The following CWC22 variants were observed in gnomAD, a reference collection of about 807,000 sequenced individuals.
CWC22 encodes the protein pre-mRNA-splicing factor CWC22 homolog.
In CWC22, 53 loss-of-function variants were observed where a neutral mutation model predicts 117.2. The observed-to-expected ratio is 0.45, with a 90% CI of 0.36 to 0.57. CWC22 has a LOEUF of 0.57. Ranked by LOEUF, CWC22 falls within the 20% of genes least tolerant of loss-of-function variation. The probability of loss-of-function intolerance (pLI) is 0.00; values close to 1 mark genes in which losing one functional copy is unlikely to be tolerated. For missense variants in CWC22, 980 were observed against 1,068.8 expected, an observed-to-expected ratio of 0.92 and a Z score of 1.16; for synonymous variants, 360 against 355.6, an observed-to-expected ratio of 1.01 and a Z score of -0.14.
In CWC22 at chr2:180,004,537, G is replaced by A. The variant is rs532259464; in HGVS notation, c.-114+2330C>T. On this transcript the variant is annotated intron_variant, in intron 1 of 19. Coordinates refer to ENST00000410053, the MANE Select transcript of CWC22 (RefSeq NM_020943.3). ...CACCCGAGTAGCTGGGGCTACAAGC[G>A]CACAGCACCACACCCTGCTGATTTT... 3.9e-5 allele frequency among the ~76,000 whole-genome samples: 6 copies of A among 152,230 alleles called. No homozygotes were observed. In the East Asian group the frequency reaches 7.7e-4, roughly 20 times the overall value.
intron 2 of CWC22, 100 bp downstream of exon 2, chr2:179,993,215 G>C: frequency 1.3e-5 from 12 of 923,450 alleles, no homozygotes; most frequent in South Asian, 1.0e-4. Flanking sequence ...CCATTCTACT[G>C]TCTGGCTCTG....
chr2:179,960,569 C>G (rs183527034), intron 13 of CWC22, among the ~76,000 whole-genome samples: 18 of 152,024 alleles, frequency 1.2e-4, no homozygotes, highest in Admixed American at 1.0e-3. Flanking sequence ...CTAAAGGATA[C>G]TATACTGATT....
rs925459151 is a variant in CWC22 at position 179,955,028 on chromosome 2, G to T, written c.1465C>A (p.Leu489Ile). The T allele has an allele frequency of 6.3e-7, 1 of 1,594,816 alleles. No homozygotes were observed. Among genetic ancestry groups the T allele is most frequent in the East Asian group, 2.2e-5 (1 of 44,514 alleles). The change falls in exon 15 of 20, where the codon CTC (leucine) becomes ATC (isoleucine). Residue 489 changes from leucine (L) to isoleucine (I), a missense_variant. Leu to Ile is a conservative substitution (Grantham distance 5, BLOSUM62 2). Around this residue, in one of 3 missense-constraint regions of CWC22, gnomAD observed 559 missense variants for 602.3 expected, o/e 0.93. Coordinates refer to ENST00000410053, the MANE Select transcript of CWC22 (RefSeq NM_020943.3). ...MEFPESQTKE[L>I]CNMILDCCAQ... ...CAGCAATCAAGTATCATGTTGCAGA[G>T]TTCTTTCTATTTGGGAAAAAAAATA...
Position 179,970,526 on chromosome 2 carries a change from T to C in CWC22, c.1185A>G (p.Glu395=). The C allele has an allele frequency of 6.5e-7, 1 of 1,543,482 alleles. No individual in the cohort carries two copies. The highest frequency in any genetic ancestry group is 8.8e-7 in the Non-Finnish European group (1 of 1,140,590). The change falls in exon 11 of 20, where the codon GAA becomes GAG. Residue 395 remains glutamate (E), a synonymous_variant. Transcript: ENST00000410053. Reference sequence around the variant, plus strand: ...CTTTCTTAATAGCTTTGTACTTCTCTTCATTCTCCATAAAATTAGGATCCA... The same window carrying C: ...CTTTCTTAATAGCTTTGTACTTCTCCTCATTCTCCATAAAATTAGGATCCA... ...FKMDPNFMEN[E]EKYKAIKKEI...
At chr2:179,998,850 C>A (rs1242524808) in intron 1 of CWC22, among the ~76,000 whole-genome samples, 1 of 152,112 alleles carries the variant, frequency 6.6e-6, no homozygotes, top group Non-Finnish European at 1.5e-5. Context: ...TTAGCGTTTT[C>A]CTTTGCTACT....
At chr2:179,960,747 A>G (rs1686730193) in intron 13 of CWC22, among the ~76,000 whole-genome samples, 1 of 151,966 alleles carries the variant, frequency 6.6e-6, no homozygotes, top group African/African-American at 2.4e-5. Context: ...TTCTCACCCA[A>G]TATTGCATAA....
At chr2:179,953,249 T>A (rs982186933) in intron 16 of CWC22, among the ~76,000 whole-genome samples, 2 of 152,074 alleles carry the variant, frequency 1.3e-5, no homozygotes, top group African/African-American at 2.4e-5. Flanking sequence ...CGAATGCCTA[T>A]TAATGTAGCT....
chr2:179,971,909 G>T (rs998330814), intron 8 of CWC22, among the ~76,000 whole-genome samples: 1 of 152,160 alleles, frequency 6.6e-6, no homozygotes, highest in Admixed American at 6.5e-5. Context: ...TAGGGGAGGA[G>T]GGGTGTCAAA....
intron 6 of CWC22, among the ~76,000 whole-genome samples, chr2:179,977,229 T>C (rs1360557596): frequency 6.6e-6 from 1 of 152,176 alleles, no homozygotes; most frequent in African/African-American, 2.4e-5. Context: ...CTATTGGGTA[T>C]ATATACAAAG....
intron 14 of CWC22, among the ~76,000 whole-genome samples, chr2:179,957,637 T>C (rs1451852450): frequency 6.6e-6 from 1 of 152,152 alleles, no homozygotes. Context: ...TATCTAACAG[T>C]AACTTAGCTC....
At chr2:179,987,996 GC>G (rs1202755632) in intron 3 of CWC22, among the ~76,000 whole-genome samples, 1 of 152,116 alleles carries the variant, frequency 6.6e-6, no homozygotes, top group East Asian at 1.9e-4. Context: ...AAATCATCAG[GC>G]ATTAGTTAGA....
chr2:179,993,563 T>A, intron 1 of CWC22, 109 bp from the exon 2 acceptor site: 1 of 479,792 alleles, frequency 2.1e-6, no homozygotes, highest in South Asian at 3.4e-5. Context: ...TCTTAATCCA[T>A]AAACAAATAT....
intron 19 of CWC22, among the ~76,000 whole-genome samples, chr2:179,947,856 C>T (rs897448953): frequency 8.5e-5 from 13 of 152,060 alleles, no homozygotes; most frequent in Admixed American, 7.9e-4. Context: ...GTATTGATGC[C>T]ATATTTGATG....
chr2:179,966,909 A>T (rs1250541128), intron 11 of CWC22, among the ~76,000 whole-genome samples: 1 of 152,258 alleles, frequency 6.6e-6, no homozygotes, highest in African/African-American at 2.4e-5. Flanking sequence ...AATGAAAGTT[A>T]GCAGAGAACT....
chr2:179,950,762 A>G, intron 18 of CWC22, 30 bp from the exon 19 acceptor site: 1 of 1,604,716 alleles, frequency 6.2e-7, no homozygotes, highest in Non-Finnish European at 8.5e-7. Context: ...GTTAGATTCT[A>G]TTTCAAAGAC....
intron 11 of CWC22, among the ~76,000 whole-genome samples, chr2:179,968,979 T>C (rs547738067): frequency 2.6e-5 from 4 of 152,302 alleles, no homozygotes; most frequent in East Asian, 3.9e-4. Flanking sequence ...ACCTTTAATA[T>C]AGTAAATAGC....
In CWC22 at chr2:179,969,065, C is replaced by T. The variant is rs186250718; in HGVS notation, c.1210+1436G>A. 6.6e-3 allele frequency among the ~76,000 whole-genome samples: 997 copies of T among 152,064 alleles called. 5 individuals are homozygous for T. Among genetic ancestry groups the T allele is most frequent in the Middle Eastern group, 0.017 (5 of 294 alleles). ...TCAAGAGTGTAAAGGGATCCTGAGA[C>T]GAAAGAATTTGAGAACTGCTATAAT... On this transcript the variant is annotated intron_variant, in intron 11 of 19. Coordinates refer to ENST00000410053, the MANE Select transcript of CWC22 (RefSeq NM_020943.3).
At chr2:179,973,102 A>G in intron 8 of CWC22, 91 bp downstream of exon 8, 1 of 685,372 alleles carries the variant, frequency 1.5e-6, no homozygotes, top group South Asian at 2.3e-5. Flanking sequence ...ACTATAAAGC[A>G]AAGCAAAAAT....
chr2:179,958,420 C>A (rs1209034991), intron 14 of CWC22, among the ~76,000 whole-genome samples: 2 of 150,428 alleles, frequency 1.3e-5, no homozygotes, highest in African/African-American at 4.9e-5. Context: ...TGATCTTTAT[C>A]TTTTCTACTG....
Sources: gnomAD v4.1 joint callset for allele counts (sites outside exome capture counted in the v4.1 genomes callset) on GRCh38, gnomAD v4.1.1 for gene constraint, gnomAD v4.1.1 regional missense constraint, MANE v1.5 for transcripts, NCBI Gene and HGNC (gene_info 2026-07-23, HGNC 2026-07-21) for gene names.